SEZ6L: variants seen among roughly 807,000 people sequenced by gnomAD.
The protein encoded by SEZ6L is seizure 6-like protein.
A neutral mutation model predicts 106.2 loss-of-function variants in SEZ6L; 37 were observed. The observed-to-expected ratio is 0.35, with a 90% CI of 0.27 to 0.46. SEZ6L has a LOEUF of 0.46. SEZ6L is among the 20% of genes least tolerant of loss of function. SEZ6L has a pLI of 1.00. For synonymous variants in SEZ6L, 541 were observed against 570.4 expected, an observed-to-expected ratio of 0.95 and a Z score of 0.73; for missense variants, 1,172 against 1,332.8, an observed-to-expected ratio of 0.88 and a Z score of 1.88.
chr22:26,189,863 C>T lies in SEZ6L; in HGVS notation c.94+20100C>T, dbSNP rs568288214. 5.6e-3 allele frequency among the ~76,000 whole-genome samples: 851 copies of T among 152,034 alleles called. 7 individuals are homozygous for T. Among genetic ancestry groups the T allele is most frequent in the African/African-American group, 0.019 (774 of 41,452 alleles). ...CGGTAATCCCAGCACTTTGGGAGGC[C>T]GAGGCGGGCGGGTCACGAGGTCAGG... is the stretch of plus-strand genomic sequence containing the variant. On this transcript the variant is annotated intron_variant, in intron 1 of 16. Coordinates refer to ENST00000248933, the MANE Select transcript of SEZ6L (RefSeq NM_021115.5).
chr22:26,193,760 G>A (rs548291828), intron 1 of SEZ6L, among the ~76,000 whole-genome samples: 27 of 152,174 alleles, frequency 1.8e-4, no homozygotes, highest in African/African-American at 4.3e-4. Flanking sequence ...CTGCTCAATC[G>A]TCTGTTGCTA....
intron 1 of SEZ6L, among the ~76,000 whole-genome samples, chr22:26,178,827 G>A (rs1939199596): frequency 6.6e-6 from 1 of 152,166 alleles, no homozygotes; most frequent in African/African-American, 2.4e-5. Context: ...GTAGTGATGA[G>A]GATGAAGAGG....
intron 1 of SEZ6L, among the ~76,000 whole-genome samples, chr22:26,192,814 G>A (rs994113181): frequency 4.6e-5 from 7 of 152,130 alleles, no homozygotes; most frequent in African/African-American, 1.4e-4. Flanking sequence ...TATGCAAAAG[G>A]CCTATCTGGT....
intron 1 of SEZ6L, among the ~76,000 whole-genome samples, chr22:26,200,453 C>T (rs1302413217): frequency 2.6e-5 from 4 of 152,170 alleles, no homozygotes; most frequent in African/African-American, 9.7e-5. Flanking sequence ...TTCAGTCCCA[C>T]CTCAAGTTAG....
At chr22:26,327,259 T>TAACACACAC (rs2082335767) in intron 9 of SEZ6L, among the ~76,000 whole-genome samples, 2 of 128,992 alleles carry the variant, frequency 1.6e-5, no homozygotes, top group Non-Finnish European at 3.3e-5. Context: ...CCACACACCC[T>TAACACACAC]CACACACACC....
intron 1 of SEZ6L, among the ~76,000 whole-genome samples, chr22:26,170,480 G>A (rs531855299): frequency 1.7e-5 from 2 of 117,446 alleles, no homozygotes; most frequent in Non-Finnish European, 3.6e-5. Flanking sequence ...TGTTAGGAAT[G>A]GGGGGTGAGG....
chr22:26,306,060 A>G lies in SEZ6L; in HGVS notation c.1430A>G (p.Gln477Arg), dbSNP rs2081621837. ...TACCCTGAAAACACAAATGGGAGCC[A>G]ATTCTGCATCTGGACGATTGAAGCT... Reference protein sequence around the residue: ...PSYPENTNGSQFCIWTIEAPE... With the variant: ...PSYPENTNGSRFCIWTIEAPE... The change falls in exon 6 of 17, where the codon CAA becomes CGA. Residue 477 changes from glutamine (Q) to arginine (R), a missense_variant. By Grantham distance (43) the Gln-to-Arg change is conservative. Transcript: ENST00000248933. The G allele has an allele frequency of 1.9e-6, 3 of 1,613,768 alleles. No individual in the cohort carries two copies. The highest frequency in any genetic ancestry group is 2.5e-6 in the Non-Finnish European group (3 of 1,179,934).
chr22:26,341,232 C>G (rs2082824984), intron 10 of SEZ6L, among the ~76,000 whole-genome samples: 1 of 151,594 alleles, frequency 6.6e-6, no homozygotes, highest in African/African-American at 2.4e-5. Context: ...AATGTGGCCT[C>G]CAAACCATGT....
chr22:26,254,270 A>G (rs1300919745), intron 1 of SEZ6L, among the ~76,000 whole-genome samples: 1 of 152,172 alleles, frequency 6.6e-6, no homozygotes, highest in African/African-American at 2.4e-5. Flanking sequence ...CTGCTTGAAG[A>G]TGGATTCAAC....
At chr22:26,312,715 C>T (rs1244032283) in intron 8 of SEZ6L, among the ~76,000 whole-genome samples, 1 of 152,212 alleles carries the variant, frequency 6.6e-6, no homozygotes, top group Non-Finnish European at 1.5e-5. Flanking sequence ...GGACTACAGG[C>T]GTGTGCCACC....
intron 1 of SEZ6L, among the ~76,000 whole-genome samples, chr22:26,234,037 T>G (rs2078882157): frequency 6.6e-6 from 1 of 152,170 alleles, no homozygotes; most frequent in Non-Finnish European, 1.5e-5. Context: ...CACATGGGGT[T>G]CTGATGCCAA....
Position 26,294,394 on chromosome 22 carries a change from C to T in SEZ6L, c.938C>T (p.Thr313Ile). The change falls in exon 3 of 17, where the codon ACA (threonine) becomes ATA (isoleucine). Residue 313 changes from threonine (T) to isoleucine (I), a missense_variant. Physicochemically the swap from Thr to Ile is moderately conservative, Grantham distance 89. Transcript: ENST00000248933. ...TTTCTGGAGTGCACATACAACGTGA[C>T]AGTCTACACTGGCTATGGGGTGGAG... ...NNFLECTYNV[T>I]VYTGYGVELQ... The T allele has an allele frequency of 6.2e-7, 1 of 1,614,072 alleles. No homozygotes were observed. The highest frequency in any genetic ancestry group is 8.5e-7 in the Non-Finnish European group (1 of 1,179,990).
intron 9 of SEZ6L, among the ~76,000 whole-genome samples, chr22:26,333,723 C>A (rs1183489203): frequency 6.6e-6 from 1 of 152,110 alleles, no homozygotes; most frequent in Admixed American, 6.5e-5. Flanking sequence ...CATCCCCAGA[C>A]CAATGGGGCC....
chr22:26,355,327 T>C (rs1316094964), intron 12 of SEZ6L, among the ~76,000 whole-genome samples: 1 of 152,218 alleles, frequency 6.6e-6, no homozygotes, highest in East Asian at 1.9e-4. Flanking sequence ...CCCAAAAGCA[T>C]CTTCCCAACC....
At chr22:26,285,297 GC>G (rs1282520294) in intron 1 of SEZ6L, among the ~76,000 whole-genome samples, 1 of 152,212 alleles carries the variant, frequency 6.6e-6, no homozygotes, top group Non-Finnish European at 1.5e-5. Context: ...GATCAAATGT[GC>G]CCGAGACGGA....
At chr22:26,376,835 G>A (rs1166263950) in intron 15 of SEZ6L, among the ~76,000 whole-genome samples, 4 of 152,190 alleles carry the variant, frequency 2.6e-5, no homozygotes, top group African/African-American at 9.7e-5. Context: ...AGGCAGGAAC[G>A]TGACTAAAAT....
In SEZ6L at chr22:26,382,025, C is replaced by A; in HGVS notation, c.*1730C>A. On this transcript the variant is annotated 3_prime_UTR_variant, in exon 17 of 17. Coordinates refer to ENST00000248933, the MANE Select transcript of SEZ6L (RefSeq NM_021115.5). ...TTAGGCACACATGTACCCTCCTTGA[C>A]AGCAGGAACTCAGACTTCAATCTTG... is the stretch of plus-strand genomic sequence containing the variant. 3.9e-6 allele frequency: 2 copies of A among 518,750 alleles called. No individual in the cohort carries two copies. The highest frequency in any genetic ancestry group is 7.7e-6 in the Non-Finnish European group (2 of 259,736). 32.1% of individuals were successfully genotyped at this position (518,750 alleles called of 1,614,324 possible).
chr22:26,348,656 A>AAAAGAAAGAAAGAAAG (rs2083129404), intron 11 of SEZ6L, among the ~76,000 whole-genome samples: 3 of 46,640 alleles, frequency 6.4e-5, no homozygotes, highest in African/African-American at 2.8e-4. Context: ...AAAAGAAAGA[A>AAAAGAAAGAAAGAAAG]AGAAAGAAAG....
At chr22:26,332,003 AT>A (rs1226074125) in intron 9 of SEZ6L, among the ~76,000 whole-genome samples, 10 of 152,060 alleles carry the variant, frequency 6.6e-5, no homozygotes, top group East Asian at 1.9e-4. Context: ...ATTTAATTTA[AT>A]TTTTAAAAAA....
Sources: allele counts gnomAD v4.1 joint callset (sites outside exome capture counted in the v4.1 genomes callset), GRCh38; gene constraint gnomAD v4.1.1; transcripts MANE v1.5; gene names NCBI Gene and HGNC (gene_info 2026-07-23, HGNC 2026-07-21).